TTC39B: variants seen among roughly 807,000 people sequenced by gnomAD.
TTC39B encodes tetratricopeptide repeat domain 39B.
A neutral mutation model predicts 96.6 loss-of-function variants in TTC39B; 92 were observed. That is an observed-to-expected ratio of 0.95 (90% CI 0.80 to 1.13). The LOEUF is 1.13. Among genes scored for constraint, TTC39B ranks in the 50% most tolerant of loss-of-function variants. The probability of loss-of-function intolerance (pLI) is 0.00; values close to 1 mark genes in which losing one functional copy is unlikely to be tolerated. For missense variants in TTC39B, 955 were observed against 809.3 expected, an observed-to-expected ratio of 1.18 and a Z score of -2.18; for synonymous variants, 367 against 299.4, an observed-to-expected ratio of 1.23 and a Z score of -2.33.
intron 3 of TTC39B, among the ~76,000 whole-genome samples, chr9:15,218,627 C>T (rs1438953523): frequency 1.0e-5 from 1 of 98,320 alleles, no homozygotes; most frequent in African/African-American, 4.9e-5. Flanking sequence ...ATTTTTTAGT[C>T]TATTTTAAAT....
intron 2 of TTC39B, among the ~76,000 whole-genome samples, chr9:15,251,694 CATATACAT>C (rs1822550461): frequency 1.6e-5 from 1 of 61,810 alleles, no homozygotes; most frequent in Non-Finnish European, 3.1e-5. Flanking sequence ...CACACACATA[CATATACAT>C]ATATATATAT....
At chr9:15,283,830 T>C (rs752629158) in intron 1 of TTC39B, among the ~76,000 whole-genome samples, 24 of 151,996 alleles carry the variant, frequency 1.6e-4, no homozygotes, top group Non-Finnish European at 2.1e-4. Context: ...AAAAATGAAA[T>C]TAAACCCATA....
intron 1 of TTC39B, among the ~76,000 whole-genome samples, chr9:15,294,040 G>A (rs941904184): frequency 2.6e-5 from 4 of 152,134 alleles, no homozygotes; most frequent in African/African-American, 9.7e-5. Context: ...ATCTTTCATT[G>A]CTCAATTGAA....
chr9:15,219,831 G>C (rs1820742963), intron 3 of TTC39B, among the ~76,000 whole-genome samples: 1 of 152,124 alleles, frequency 6.6e-6, no homozygotes, highest in Admixed American at 6.6e-5. Flanking sequence ...TGAGCTAGTA[G>C]GGCAGGCTCT....
intron 18 of TTC39B, among the ~76,000 whole-genome samples, chr9:15,176,644 C>G (rs1489289310): frequency 6.6e-6 from 1 of 152,096 alleles, no homozygotes; most frequent in Non-Finnish European, 1.5e-5. Flanking sequence ...TACATAATAT[C>G]CAGATTCCAG....
At chr9:15,225,701 G>C (rs1821082453) in intron 3 of TTC39B, among the ~76,000 whole-genome samples, 1 of 152,114 alleles carries the variant, frequency 6.6e-6, no homozygotes, top group Non-Finnish European at 1.5e-5. Flanking sequence ...ATTTTGTTTT[G>C]CTTTCATGTA....
chr9:15,297,605 C>A (rs1824427073), intron 1 of TTC39B, among the ~76,000 whole-genome samples: 1 of 152,156 alleles, frequency 6.6e-6, no homozygotes, highest in Admixed American at 6.5e-5. Context: ...TCAGAGGGAT[C>A]CACACCATAT....
At position 15,214,244 on chromosome 9, in the gene TTC39B, G is replaced by T. The variant is rs757090541; in HGVS notation, c.377C>A (p.Ser126Ter). ...ACTCTTGAGATCCACCTTGGTTGAT[G>T]ATGAACTAAAGATCAAGAAAAAAGC... is the stretch of plus-strand genomic sequence containing the variant. Residue 126 changes from serine to a stop codon, truncating the protein, a stop_gained, in exon 4 of 20, where the codon TCA (serine) becomes TAA (stop). Coordinates refer to ENST00000512701, the Ensembl canonical transcript of TTC39B. LOFTEE classifies it high-confidence loss of function. 2 of 1,612,108 alleles carry T rather than the reference G, an allele frequency of 1.2e-6. No individual in the cohort carries two copies. Among genetic ancestry groups the T allele is most frequent in the Non-Finnish European group, 1.7e-6 (2 of 1,178,556 alleles).
At chr9:15,198,875 T>C (rs906754602) in intron 8 of TTC39B, among the ~76,000 whole-genome samples, 15 of 152,142 alleles carry the variant, frequency 9.9e-5, no homozygotes, top group African/African-American at 7.2e-5. Flanking sequence ...AGACTAATTA[T>C]AAAAAGCATG....
intron 1 of TTC39B, among the ~76,000 whole-genome samples, chr9:15,277,558 C>A (rs971247813): frequency 6.6e-6 from 1 of 151,976 alleles, no homozygotes; most frequent in South Asian, 2.1e-4. Flanking sequence ...GAGACCTTGG[C>A]CAACACAGTG....
intron 2 of TTC39B, among the ~76,000 whole-genome samples, chr9:15,235,780 C>T (rs1821750059): frequency 6.6e-6 from 1 of 152,132 alleles, no homozygotes; most frequent in African/African-American, 2.4e-5. Context: ...CATCTGTCAC[C>T]ACAAGACCTA....
At chr9:15,228,546 C>T (rs866784532) in intron 2 of TTC39B, among the ~76,000 whole-genome samples, 4 of 152,170 alleles carry the variant, frequency 2.6e-5, no homozygotes, top group African/African-American at 4.8e-5. Flanking sequence ...CTCAACTCAC[C>T]GTAAACAGTA....
In TTC39B at chr9:15,189,724, C is replaced by T; in HGVS notation, c.1173+1G>A. On this transcript the variant is annotated splice_donor_variant, in intron 12 of 19. Coordinates refer to ENST00000512701, the Ensembl canonical transcript of TTC39B. LOFTEE classifies it high-confidence loss of function. ...CATACACTTTGAAATACTGAGCGTACATTTGGAAACTGCTGGAGGAAGGGT... is the reference window on the plus strand; with the variant it reads ...CATACACTTTGAAATACTGAGCGTATATTTGGAAACTGCTGGAGGAAGGGT... 6.2e-7 allele frequency: 1 copy of T among 1,613,968 alleles called. No individual in the cohort carries two copies. Among genetic ancestry groups the T allele is most frequent in the Non-Finnish European group, 8.5e-7 (1 of 1,179,948 alleles).
At chr9:15,196,336 A>T (rs1275925160) in intron 8 of TTC39B, among the ~76,000 whole-genome samples, 1 of 152,240 alleles carries the variant, frequency 6.6e-6, no homozygotes, top group Admixed American at 6.5e-5. Flanking sequence ...CCTCTAATGG[A>T]TCCAGGGAAA....
At chr9:15,225,826 C>A in intron 3 of TTC39B, 91 bp downstream of exon 3, 1 of 1,206,924 alleles carries the variant, frequency 8.3e-7, no homozygotes, top group Non-Finnish European at 1.2e-6. Context: ...TTGTCAAACG[C>A]AATGCACTAT....
chr9:15,211,383 A>G (rs1434355870), exon 5 of TTC39B: 2 of 1,565,902 alleles, frequency 1.3e-6, no homozygotes, highest in Non-Finnish European at 1.7e-6. Context: ...GGCATGGTAC[A>G]TACTCTCCTT....
rs1419479659 is a variant in TTC39B, at chr9:15,189,772, C to T, written c.1126G>A (p.Ala376Thr). The T allele has an allele frequency of 1.2e-6, 2 of 1,612,466 alleles. No homozygotes were observed. Among genetic ancestry groups the T allele is most frequent in the East Asian group, 2.2e-5 (1 of 44,836 alleles). ...GGTGCCAGGAGACGCTCTGCTTCCG[C>T]AACATTCACTTCTCCTGTACCTAGA... is the stretch of plus-strand genomic sequence containing the variant. Residue 376 changes from alanine to threonine, a missense_variant, in exon 12 of 20, where the codon GCG becomes ACG. Physicochemically the swap from Ala to Thr is moderately conservative, Grantham distance 58. Coordinates refer to ENST00000512701, the Ensembl canonical transcript of TTC39B.
intron 1 of TTC39B, among the ~76,000 whole-genome samples, chr9:15,278,727 C>T (rs1823641747): frequency 2.6e-5 from 4 of 152,168 alleles, no homozygotes; most frequent in African/African-American, 9.7e-5. Flanking sequence ...TATAAATAAT[C>T]ATAAGTTCCA....
chr9:15,250,058 A>G (rs1345723754), intron 2 of TTC39B: 7 of 1,284,020 alleles, frequency 5.5e-6, no homozygotes, highest in Non-Finnish European at 1.0e-6. Flanking sequence ...AAAATCCTCA[A>G]TTTCTATTTT....
Sources: allele counts gnomAD v4.1 joint callset (sites outside exome capture counted in the v4.1 genomes callset), GRCh38; gene constraint gnomAD v4.1.1; transcripts MANE v1.5; gene names NCBI Gene and HGNC (gene_info 2026-07-23, HGNC 2026-07-21).